The following ITCH variants were observed in gnomAD, a reference collection of about 807,000 sequenced individuals.
ITCH encodes itchy E3 ubiquitin protein ligase, also known as E3 ubiquitin-protein ligase Itchy homolog.
ITCH carries 28 observed loss-of-function variants against 126.8 expected under a neutral mutation model. The observed-to-expected ratio is 0.22, with a 90% confidence interval of 0.16 to 0.30. The LOEUF is 0.30. ITCH is among the 10% of genes least tolerant of loss of function. The probability of loss-of-function intolerance (pLI) is 1.00; values close to 1 mark genes in which losing one functional copy is unlikely to be tolerated. For synonymous variants in ITCH, 342 were observed against 340.0 expected (o/e 1.01, Z -0.06); for missense variants, 631 against 1,032.4 (o/e 0.61, Z 5.33).
At chr20:34,457,590 A>C in intron 13 of ITCH, 116 bp downstream of exon 13, 1 of 728,850 alleles carries the variant, frequency 1.4e-6, no homozygotes. Context: ...TTAATCACCT[A>C]CATACTTTGG....
chr20:34,420,930 T>C (rs546699271), intron 6 of ITCH, among the ~76,000 whole-genome samples: 103 of 152,342 alleles, frequency 6.8e-4, no homozygotes, highest in Admixed American at 4.1e-3. Context: ...ACTCCTTTCC[T>C]ACCTGTGTAT....
intron 14 of ITCH, among the ~76,000 whole-genome samples, chr20:34,463,797 T>G (rs1358446761): frequency 6.6e-6 from 1 of 151,566 alleles, no homozygotes; most frequent in African/African-American, 2.4e-5. Context: ...TTGTTGTTGT[T>G]TTTTTTTTCT....
At chr20:34,410,434 G>T (rs1308427710) in intron 4 of ITCH, among the ~76,000 whole-genome samples, 2 of 151,186 alleles carry the variant, frequency 1.3e-5, no homozygotes, top group African/African-American at 2.4e-5. Flanking sequence ...CGTATCATTC[G>T]GATGTTCCTC....
In ITCH at chr20:34,489,930, T is replaced by C; in HGVS notation, c.2319+4T>C. 6.2e-7 allele frequency: 1 copy of C among 1,608,540 alleles called. No individual in the cohort carries two copies. The highest frequency in any genetic ancestry group is 8.5e-7 in the Non-Finnish European group (1 of 1,175,276). ...ACAAATCATGTGGTTTTGGCAGGTT[T>C]GTTTTTAAATTTATTTCTATTAGTT... On this transcript the variant is annotated splice_donor_region_variant and intron_variant, in intron 22 of 24. Coordinates refer to ENST00000374864, the MANE Select transcript of ITCH (RefSeq NM_031483.7).
intron 11 of ITCH, among the ~76,000 whole-genome samples, chr20:34,446,320 C>G (rs1984457253): frequency 6.6e-6 from 1 of 152,202 alleles, no homozygotes; most frequent in African/African-American, 2.4e-5. Context: ...TTGGTATCAT[C>G]CCTGTTAGAA....
At chr20:34,426,305 A>G (rs1360195747) in intron 7 of ITCH, among the ~76,000 whole-genome samples, 1 of 152,236 alleles carries the variant, frequency 6.6e-6, no homozygotes, top group Non-Finnish European at 1.5e-5. Context: ...GGGATGTTAC[A>G]GTGTCAGATG....
At chr20:34,432,046 G>A (rs1191759895) in intron 7 of ITCH, among the ~76,000 whole-genome samples, 2 of 57,572 alleles carry the variant, frequency 3.5e-5, no homozygotes, top group African/African-American at 1.3e-4. Flanking sequence ...TAGATTCTAT[G>A]TCAAAAAAAA....
intron 3 of ITCH, among the ~76,000 whole-genome samples, chr20:34,396,157 C>G (rs1006409936): frequency 2.0e-5 from 3 of 151,434 alleles, no homozygotes; most frequent in Non-Finnish European, 1.5e-5. Context: ...CCTCAGTCTT[C>G]TGAGTAGCTG....
chr20:34,447,061 C>T (rs1395682220), intron 11 of ITCH, among the ~76,000 whole-genome samples: 2 of 152,078 alleles, frequency 1.3e-5, no homozygotes, highest in Non-Finnish European at 2.9e-5. Flanking sequence ...TTTTGCATTA[C>T]ACAATCTTTC....
intron 16 of ITCH, among the ~76,000 whole-genome samples, chr20:34,474,963 C>T (rs1056905524): frequency 6.8e-6 from 1 of 147,658 alleles, no homozygotes; most frequent in Non-Finnish European, 1.5e-5. Flanking sequence ...AGAGATGCTC[C>T]TCACCTCCCA....
At chr20:34,398,228 A>G (rs2038745247) in intron 3 of ITCH, among the ~76,000 whole-genome samples, 1 of 151,672 alleles carries the variant, frequency 6.6e-6, no homozygotes, top group African/African-American at 2.4e-5. Context: ...ACACCCGGCT[A>G]ATTTTTGTAT....
At chr20:34,442,954 C>T (rs543796075) in intron 10 of ITCH, among the ~76,000 whole-genome samples, 13 of 148,052 alleles carry the variant, frequency 8.8e-5, no homozygotes, top group South Asian at 2.1e-4. Flanking sequence ...CCAGCCTGGG[C>T]GACAGAGCAA....
At chr20:34,369,220 C>G (rs2037529476) in intron 1 of ITCH, among the ~76,000 whole-genome samples, 174 bp from the exon 2 acceptor site, 2 of 152,154 alleles carry the variant, frequency 1.3e-5, no homozygotes, top group African/African-American at 4.8e-5. Flanking sequence ...GTAGTCCCAG[C>G]TACTCAGGAG....
intron 12 of ITCH, 70 bp from the exon 13 acceptor site, chr20:34,457,320 T>A: frequency 2.0e-6 from 2 of 1,016,028 alleles, no homozygotes; most frequent in Non-Finnish European, 3.1e-6. Flanking sequence ...AATAATTTTA[T>A]TTTACCTTGA....
intron 12 of ITCH, among the ~76,000 whole-genome samples, chr20:34,456,571 TG>T (rs1905397034): frequency 6.8e-6 from 1 of 147,074 alleles, no homozygotes; most frequent in African/African-American, 2.5e-5. Context: ...AGGTCAAGGC[TG>T]TAGTGAGCTG....
chr20:34,507,279 T>G lies in ITCH; in HGVS notation c.2490-416T>G, dbSNP rs1329276602. ...TTTTCTTCTGTTTTTTTTTTTTTTT[T>G]TTTTTTTTTTGGTTGTTGTTGTTGT... On this transcript the variant is annotated intron_variant, in intron 24 of 24. Coordinates refer to ENST00000374864, the MANE Select transcript of ITCH (RefSeq NM_031483.7). Among the ~76,000 whole-genome samples the G allele has an allele frequency of 2.6e-4, 23 of 89,698 alleles. No homozygotes were observed. In the South Asian group the frequency reaches 5.5e-3, roughly 21 times the overall value. The allele number at this position is 89,698 out of a possible 152,430, so 58.8% of individuals were successfully genotyped here. A position where few individuals can be genotyped will look rare whatever the true frequency, so the allele number is the denominator to read the frequency against.
At chr20:34,484,066 A>G (rs1485897182) in intron 20 of ITCH, among the ~76,000 whole-genome samples, 1 of 152,212 alleles carries the variant, frequency 6.6e-6, no homozygotes, top group Admixed American at 6.5e-5. Context: ...TGATTCAGTT[A>G]TCTCCCACTG....
Position 34,440,175 on chromosome 20 carries a change from T to A in ITCH, c.700T>A (p.Ser234Thr), listed in dbSNP as rs1190135864. Residue 234 changes from serine (S) to threonine (T), a missense_variant, in exon 9 of 25, where the codon TCT (serine) becomes ACT (threonine). Coordinates refer to ENST00000374864, the MANE Select transcript of ITCH (RefSeq NM_031483.7). ...RRPASVNGSP[S>T]ATSESDGSST... ...TATAGCATCTGTCAATGGTTCACCA[T>A]CTGCCACTTCTGAAAGTGATGGGTC... is the stretch of plus-strand genomic sequence containing the variant. 1 of 1,613,060 alleles carries A rather than the reference T, an allele frequency of 6.2e-7. No homozygotes were observed. Among genetic ancestry groups the A allele is most frequent in the Non-Finnish European group, 8.5e-7 (1 of 1,179,006 alleles).
At chr20:34,405,233 A>G (rs1249992374) in intron 3 of ITCH, among the ~76,000 whole-genome samples, 2 of 151,814 alleles carry the variant, frequency 1.3e-5, no homozygotes, top group African/African-American at 4.8e-5. Context: ...AGCTGGGCAC[A>G]GTGGCTCACG....
Sources: allele counts gnomAD v4.1 joint callset (sites outside exome capture counted in the v4.1 genomes callset), GRCh38; gene constraint gnomAD v4.1.1; transcripts MANE v1.5; gene names NCBI Gene and HGNC (gene_info 2026-07-23, HGNC 2026-07-21).